Variants in PCMTD1 observed in about 807,000 individuals in gnomAD.
PCMTD1 encodes protein-L-isoaspartate O-methyltransferase domain-containing protein 1.
PCMTD1 carries 12 observed loss-of-function variants against 37.6 expected under a neutral mutation model. The ratio of observed to expected loss-of-function variants is 0.32; its 90% CI spans 0.20 to 0.52. The LOEUF is 0.52. Among genes scored for constraint, PCMTD1 ranks in the 20% least tolerant of loss-of-function variants. The pLI is 0.97. For missense variants in PCMTD1, 235 were observed against 421.3 expected, an observed-to-expected ratio of 0.56 and a Z score of 3.87; for synonymous variants, 117 against 135.8, an observed-to-expected ratio of 0.86 and a Z score of 0.96.
intron 1 of PCMTD1, among the ~76,000 whole-genome samples, chr8:51,892,559 T>A (rs572150988): frequency 6.6e-6 from 1 of 152,362 alleles, no homozygotes; most frequent in Non-Finnish European, 1.5e-5. Flanking sequence ...GACCACCTAC[T>A]TTTTACTTTT....
chr8:51,872,510 AG>A, intron 1 of PCMTD1, among the ~76,000 whole-genome samples: 1 of 152,192 alleles, frequency 6.6e-6, no homozygotes, highest in Non-Finnish European at 1.5e-5. Context: ...CCTCTAACTC[AG>A]GAAAAGTCTA....
intron 1 of PCMTD1, among the ~76,000 whole-genome samples, chr8:51,891,130 A>G (rs1232296884): frequency 1.3e-5 from 2 of 152,232 alleles, no homozygotes; most frequent in Admixed American, 6.5e-5. Context: ...TATGTTCACA[A>G]TATCTAGGGA....
At chr8:51,864,107 T>C (rs961098013) in intron 1 of PCMTD1, among the ~76,000 whole-genome samples, 1 of 152,046 alleles carries the variant, frequency 6.6e-6, no homozygotes, top group Admixed American at 6.6e-5. Flanking sequence ...AGAGCACGGA[T>C]GACTATACTT....
chr8:51,845,620 T>C (rs2038206671), intron 3 of PCMTD1, 41 bp downstream of exon 3: 2 of 1,365,206 alleles, frequency 1.5e-6, no homozygotes, highest in Admixed American at 1.7e-5. Context: ...CATGTATCTA[T>C]TAAGTGATTT....
chr8:51,832,261 G>A (rs2038008550), intron 4 of PCMTD1, among the ~76,000 whole-genome samples: 1 of 152,088 alleles, frequency 6.6e-6, no homozygotes, highest in African/African-American at 2.4e-5. Flanking sequence ...AAAATGTATC[G>A]TTAAAGAAAA....
chr8:51,889,093 C>G (rs2038902898), intron 1 of PCMTD1, among the ~76,000 whole-genome samples: 1 of 152,106 alleles, frequency 6.6e-6, no homozygotes, highest in African/African-American at 2.4e-5. Flanking sequence ...TTTTCCTAGG[C>G]CTTTTGTTGT....
intron 1 of PCMTD1, among the ~76,000 whole-genome samples, chr8:51,882,023 T>C (rs1294615877): frequency 6.6e-6 from 1 of 151,632 alleles, no homozygotes; most frequent in Non-Finnish European, 1.5e-5. Flanking sequence ...TAGAAATCTC[T>C]AAGTCCAACC....
chr8:51,893,486 T>C (rs1214260462), intron 1 of PCMTD1, among the ~76,000 whole-genome samples: 1 of 152,178 alleles, frequency 6.6e-6, no homozygotes, highest in African/African-American at 2.4e-5. Flanking sequence ...TACTAAAGTA[T>C]AGACAGAGTT....
chr8:51,875,032 C>T (rs1348518960), intron 1 of PCMTD1, among the ~76,000 whole-genome samples: 1 of 152,112 alleles, frequency 6.6e-6, no homozygotes, highest in Non-Finnish European at 1.5e-5. Flanking sequence ...AAAGAGAAAA[C>T]CTACTTCAAA....
intron 1 of PCMTD1, among the ~76,000 whole-genome samples, chr8:51,891,283 G>A (rs1225525401): frequency 6.6e-6 from 1 of 152,166 alleles, no homozygotes; most frequent in Non-Finnish European, 1.5e-5. Context: ...GCCGGGCAAG[G>A]TAGCTTTCTC....
intron 1 of PCMTD1, among the ~76,000 whole-genome samples, chr8:51,873,786 G>C (rs1164458468): frequency 1.3e-5 from 2 of 152,056 alleles, no homozygotes; most frequent in Non-Finnish European, 1.5e-5. Flanking sequence ...AAGCTTCTTG[G>C]GGCCTCGCCA....
intron 2 of PCMTD1, among the ~76,000 whole-genome samples, chr8:51,856,997 A>G (rs1453134433): frequency 1.3e-5 from 2 of 152,250 alleles, no homozygotes; most frequent in East Asian, 3.8e-4. Context: ...TTAGAGGCAG[A>G]GCGAGCAAGA....
Position 51,873,107 on chromosome 8 carries a change from C to A in PCMTD1, c.-95-11861G>T, listed in dbSNP as rs541014503. Among the ~76,000 whole-genome samples the A allele has an allele frequency of 1.3e-3, 191 of 152,208 alleles. 1 individual carries two copies. Among genetic ancestry groups the A allele is most frequent in the African/African-American group, 4.4e-3 (182 of 41,554 alleles). On this transcript the variant is annotated intron_variant, in intron 1 of 5. Coordinates refer to ENST00000522514, the MANE Select transcript of PCMTD1 (RefSeq NM_052937.4). ...GAACACAAGTGAAAGCTATATAAAACAAAATAGCTAAAGTATTATCCATAA... is the reference window on the plus strand; with the variant it reads ...GAACACAAGTGAAAGCTATATAAAAAAAAATAGCTAAAGTATTATCCATAA...
At chr8:51,827,231 T>C in intron 5 of PCMTD1, 1 of 1,141,064 alleles carries the variant, frequency 8.8e-7, no homozygotes, top group Non-Finnish European at 1.1e-6. Context: ...ACATAATTCC[T>C]GACTTATTTT....
chr8:51,857,387 T>A (rs753793733), intron 2 of PCMTD1, among the ~76,000 whole-genome samples: 27 of 152,184 alleles, frequency 1.8e-4, no homozygotes, highest in Non-Finnish European at 2.9e-4. Context: ...ACCTAGAATT[T>A]TTATATTATG....
At chr8:51,896,266 G>C (rs1310768330) in intron 1 of PCMTD1, 1 of 152,034 alleles carries the variant, frequency 6.6e-6, no homozygotes, top group African/African-American at 2.4e-5. Context: ...TTCCAACTAT[G>C]TAGTTGCCAC....
In PCMTD1 at chr8:51,873,593, T is replaced by C. The variant is rs552997401; in HGVS notation, c.-95-12347A>G. The stretch of plus-strand genomic sequence containing the variant: ...TCCCATGTTGAACTGTAATCCCCAA[T>C]TGCAGGCAGTGATTGGATCGTGGAA... On this transcript the variant is annotated intron_variant, in intron 1 of 5. Transcript: ENST00000522514. Among the ~76,000 whole-genome samples the C allele has an allele frequency of 3.9e-5, 6 of 152,242 alleles. No homozygotes were observed. In the East Asian group the frequency reaches 1.2e-3, roughly 30 times the overall value.
At chr8:51,882,293 G>A (rs906706198) in intron 1 of PCMTD1, among the ~76,000 whole-genome samples, 3 of 152,116 alleles carry the variant, frequency 2.0e-5, no homozygotes, top group Non-Finnish European at 2.9e-5. Flanking sequence ...TTAAAATGAC[G>A]CTATTGGATC....
At chr8:51,889,862 ATACG>A (rs1408537755) in intron 1 of PCMTD1, among the ~76,000 whole-genome samples, 3 of 73,238 alleles carry the variant, frequency 4.1e-5, no homozygotes, top group Non-Finnish European at 1.3e-4. Flanking sequence ...ATGTAAGGAT[ATACG>A]TGTGTGTGTG....
Sources: allele counts gnomAD v4.1 joint callset (sites outside exome capture counted in the v4.1 genomes callset), GRCh38; gene constraint gnomAD v4.1.1; transcripts MANE v1.5; gene names NCBI Gene and HGNC (gene_info 2026-07-23, HGNC 2026-07-21).